The following MRPL1 variants were observed in gnomAD, a reference collection of about 807,000 sequenced individuals.
MRPL1 encodes large ribosomal subunit protein uL1m.
MRPL1 carries 28 observed loss-of-function variants against 38.0 expected under a neutral mutation model. That is an observed-to-expected ratio of 0.74 (90% CI 0.55 to 1.01). The LOEUF is 1.01. Ranked by LOEUF, MRPL1 falls within the 50% of genes least tolerant of loss-of-function variation. The probability of loss-of-function intolerance (pLI) is 0.00; values close to 1 mark genes in which losing one functional copy is unlikely to be tolerated. For missense variants in MRPL1, 358 were observed against 389.8 expected, an observed-to-expected ratio of 0.92 and a Z score of 0.69; for synonymous variants, 123 against 126.7, an observed-to-expected ratio of 0.97 and a Z score of 0.20.
intron 8 of MRPL1, 34 bp downstream of exon 8, chr4:77,949,912 A>T (rs1219151743): frequency 7.9e-7 from 1 of 1,269,064 alleles, no homozygotes; most frequent in Non-Finnish European, 1.1e-6. Flanking sequence ...CTTCCCTATG[A>T]CCCTGTGAAA....
chr4:77,910,806 A>G (rs1736269609), intron 7 of MRPL1, among the ~76,000 whole-genome samples: 1 of 152,204 alleles, frequency 6.6e-6, no homozygotes, highest in Non-Finnish European at 1.5e-5. Context: ...TAGTTGGGGA[A>G]ACCCCAGCTT....
intron 7 of MRPL1, among the ~76,000 whole-genome samples, chr4:77,927,280 ATTG>A (rs960019522): frequency 2.0e-5 from 3 of 152,196 alleles, no homozygotes; most frequent in African/African-American, 4.8e-5. Flanking sequence ...TAATTAACAA[ATTG>A]TTGTTTTAAA....
chr4:77,880,290 A>T (rs1735509041), intron 2 of MRPL1, among the ~76,000 whole-genome samples: 1 of 152,172 alleles, frequency 6.6e-6, no homozygotes, highest in Admixed American at 6.5e-5. Flanking sequence ...CACATTCTTT[A>T]GCTCATGGCC....
chr4:77,889,869 A>G (rs1430297415), intron 5 of MRPL1, among the ~76,000 whole-genome samples: 1 of 152,240 alleles, frequency 6.6e-6, no homozygotes, highest in African/African-American at 2.4e-5. Flanking sequence ...CAAATAAACT[A>G]GAAAATCTAG....
intron 7 of MRPL1, among the ~76,000 whole-genome samples, chr4:77,926,712 G>A (rs1177992092): frequency 6.6e-6 from 1 of 151,116 alleles, no homozygotes; most frequent in Non-Finnish European, 1.5e-5. Flanking sequence ...GGGTTCAGGT[G>A]ATTCTCTTGC....
rs1056957433 is a variant in MRPL1, at chr4:77,913,908, C to T, written c.777+4536C>T. Among the ~76,000 whole-genome samples the T allele has an allele frequency of 2.6e-5, 4 of 152,120 alleles. No homozygotes were observed. The East Asian group carries it at 7.7e-4, about 29-fold the overall frequency. On this transcript the variant is annotated intron_variant, in intron 7 of 8. Coordinates refer to ENST00000315567, the MANE Select transcript of MRPL1 (RefSeq NM_020236.4). ...TTTTTGTATAAAATTCTGGCAAATG[C>T]AAACTAATGTATGATGACAGAAAGC...
intron 7 of MRPL1, among the ~76,000 whole-genome samples, chr4:77,913,000 A>C (rs986429871): frequency 6.6e-6 from 1 of 152,162 alleles, no homozygotes; most frequent in African/African-American, 2.4e-5. Flanking sequence ...ATATGTCATA[A>C]AATGAAATTC....
At chr4:77,866,867 C>T (rs1325839632) in intron 1 of MRPL1, among the ~76,000 whole-genome samples, 1 of 151,896 alleles carries the variant, frequency 6.6e-6, no homozygotes, top group Non-Finnish European at 1.5e-5. Context: ...CCTGCCTCAG[C>T]CTCCTGAATA....
At chr4:77,871,265 T>G (rs1735272222) in intron 1 of MRPL1, among the ~76,000 whole-genome samples, 1 of 151,836 alleles carries the variant, frequency 6.6e-6, no homozygotes. Context: ...TTAGATGTAT[T>G]TACCTGCTTT....
intron 2 of MRPL1, among the ~76,000 whole-genome samples, chr4:77,875,199 G>A (rs905715036): frequency 1.1e-4 from 17 of 151,984 alleles, no homozygotes; most frequent in African/African-American, 2.9e-4. Flanking sequence ...TATGATATTC[G>A]TATATTATGA....
At chr4:77,884,977 G>C (rs1337199657) in intron 3 of MRPL1, among the ~76,000 whole-genome samples, 1 of 151,962 alleles carries the variant, frequency 6.6e-6, no homozygotes, top group African/African-American at 2.4e-5. Flanking sequence ...AAGTGGCATG[G>C]GATTATGAAG....
intron 5 of MRPL1, among the ~76,000 whole-genome samples, chr4:77,892,088 C>T (rs966531889): frequency 4.2e-4 from 63 of 150,222 alleles, no homozygotes; most frequent in African/African-American, 1.5e-3. Flanking sequence ...TTGCTTAGCT[C>T]TATAAAATGC....
At chr4:77,941,281 A>G (rs969550832) in intron 7 of MRPL1, among the ~76,000 whole-genome samples, 22 of 151,242 alleles carry the variant, frequency 1.5e-4, no homozygotes, top group African/African-American at 5.1e-4. Flanking sequence ...AAAAAAAAAA[A>G]GAGGATTTTT....
chr4:77,863,990 C>G (rs1469632006), intron 1 of MRPL1, among the ~76,000 whole-genome samples: 1 of 141,972 alleles, frequency 7.0e-6, no homozygotes, highest in Admixed American at 7.3e-5. Context: ...ATATTTAACA[C>G]TGCATCACAG....
intron 7 of MRPL1, among the ~76,000 whole-genome samples, chr4:77,942,944 A>C (rs1737170380): frequency 6.6e-6 from 1 of 151,656 alleles, no homozygotes; most frequent in African/African-American, 2.4e-5. Flanking sequence ...CCCTTTTTTA[A>C]AATTTATTAT....
chr4:77,933,852 CT>C (rs1313278093), intron 7 of MRPL1, among the ~76,000 whole-genome samples: 1 of 152,204 alleles, frequency 6.6e-6, no homozygotes. Context: ...CCCAGCAGTT[CT>C]ACTGTGGGTT....
At chr4:77,916,030 GAA>G (rs1330897491) in intron 7 of MRPL1, among the ~76,000 whole-genome samples, 1 of 152,124 alleles carries the variant, frequency 6.6e-6, no homozygotes, top group South Asian at 2.1e-4. Context: ...CTACAGAGGA[GAA>G]AAAGTACATT....
intron 3 of MRPL1, among the ~76,000 whole-genome samples, chr4:77,883,785 C>T (rs1735607314): frequency 6.6e-6 from 1 of 152,036 alleles, no homozygotes; most frequent in Non-Finnish European, 1.5e-5. Flanking sequence ...CCCATTTTGC[C>T]CAGGCTGGTT....
chr4:77,913,628 A>G (rs1319064653), intron 7 of MRPL1, among the ~76,000 whole-genome samples: 1 of 152,198 alleles, frequency 6.6e-6, no homozygotes, highest in African/African-American at 2.4e-5. Flanking sequence ...TGATCCTGCT[A>G]TTCCACTTTT....
Sources: gnomAD v4.1 joint callset for allele counts (sites outside exome capture counted in the v4.1 genomes callset) on GRCh38, gnomAD v4.1.1 for gene constraint, MANE v1.5 for transcripts, NCBI Gene and HGNC (gene_info 2026-07-23, HGNC 2026-07-21) for gene names.